SCFD2: variants seen among roughly 807,000 people sequenced by gnomAD.
SCFD2 encodes sec1 family domain-containing protein 2.
Under a neutral mutation model 58.9 loss-of-function variants are expected in SCFD2, and 54 were observed. The ratio of observed to expected loss-of-function variants is 0.92; its 90% CI spans 0.74 to 1.15. SCFD2 has a LOEUF of 1.15. Ranked by LOEUF, SCFD2 falls within the 50% of genes most tolerant of loss-of-function variation. The probability of loss-of-function intolerance (pLI) is 0.00; values close to 1 mark genes in which losing one functional copy is unlikely to be tolerated. For missense variants in SCFD2, 805 were observed against 836.6 expected (o/e 0.96, Z 0.47); for synonymous variants, 321 against 335.9 (o/e 0.96, Z 0.49).
At chr4:53,256,211 G>A (rs1312304256) in intron 4 of SCFD2, among the ~76,000 whole-genome samples, 1 of 151,028 alleles carries the variant, frequency 6.6e-6, no homozygotes, top group Non-Finnish European at 1.5e-5. Context: ...TCTCAGACAG[G>A]GCAGTTGCCA....
chr4:53,355,844 T>C (rs1734384167), intron 1 of SCFD2, among the ~76,000 whole-genome samples: 2 of 152,174 alleles, frequency 1.3e-5, no homozygotes, highest in African/African-American at 4.8e-5. Flanking sequence ...TCTTATATGT[T>C]CTATCATTAG....
At chr4:52,949,639 G>A (rs1325943640) in intron 5 of SCFD2, 1 of 152,204 alleles carries the variant, frequency 6.6e-6, no homozygotes, top group African/African-American at 2.4e-5. Context: ...CTGGTCCACT[G>A]GCTCCGCTCT....
At chr4:53,043,760 G>A (rs536765270) in intron 5 of SCFD2, among the ~76,000 whole-genome samples, 1 of 151,614 alleles carries the variant, frequency 6.6e-6, no homozygotes, top group Admixed American at 6.6e-5. Flanking sequence ...TGGGTACTTC[G>A]GTATTATTTA....
chr4:53,143,407 T>C (rs1726225470), intron 5 of SCFD2, among the ~76,000 whole-genome samples: 1 of 152,198 alleles, frequency 6.6e-6, no homozygotes, highest in African/African-American at 2.4e-5. Context: ...ACTTTCTAAG[T>C]TGATATTTAT....
intron 4 of SCFD2, among the ~76,000 whole-genome samples, chr4:53,213,126 TA>T (rs1335007530): frequency 6.6e-6 from 1 of 152,132 alleles, no homozygotes; most frequent in Non-Finnish European, 1.5e-5. Context: ...AATTATTTAG[TA>T]GGTGTAATGT....
intron 5 of SCFD2, among the ~76,000 whole-genome samples, chr4:52,922,646 T>C (rs78271910): frequency 0.013 from 2,051 of 152,362 alleles, 43 homozygotes; most frequent in African/African-American, 0.044. Flanking sequence ...GCCTTTTGGT[T>C]ATCATGAGTA....
chr4:53,072,377 G>A (rs752190822), intron 5 of SCFD2, among the ~76,000 whole-genome samples: 47 of 152,168 alleles, frequency 3.1e-4, no homozygotes, highest in Non-Finnish European at 6.3e-4. Context: ...GAAATATCGA[G>A]CTGCAGACAT....
In SCFD2 at chr4:53,134,454, G is replaced by A. The variant is rs185561370; in HGVS notation, c.1561+10879C>T. Among the ~76,000 whole-genome samples, 27 of 152,142 alleles carry A rather than the reference G, an allele frequency of 1.8e-4. No homozygotes were observed. The East Asian group carries it at 4.8e-3, about 27-fold the overall frequency. ...AATTTAAACAAGGTAATGAACAGGTGAGAAAAATAGAGAAGAAAAAATTTA... is the reference window on the plus strand; with the variant it reads ...AATTTAAACAAGGTAATGAACAGGTAAGAAAAATAGAGAAGAAAAAATTTA... On this transcript the variant is annotated intron_variant, in intron 5 of 8. Coordinates refer to ENST00000401642, the MANE Select transcript of SCFD2 (RefSeq NM_152540.4).
chr4:53,010,672 G>A (rs1252313179), intron 5 of SCFD2, among the ~76,000 whole-genome samples: 2 of 152,294 alleles, frequency 1.3e-5, no homozygotes, highest in East Asian at 3.9e-4. Context: ...ATGAATAAGT[G>A]AACAAAGAAA....
intron 5 of SCFD2, among the ~76,000 whole-genome samples, chr4:52,964,741 A>G (rs535238706): frequency 6.6e-6 from 1 of 150,778 alleles, no homozygotes; most frequent in Non-Finnish European, 1.5e-5. Context: ...CGATCCTTGA[A>G]TCTTTTGGTC....
intron 4 of SCFD2, among the ~76,000 whole-genome samples, chr4:53,188,744 C>G (rs1727809420): frequency 1.3e-5 from 2 of 152,046 alleles, no homozygotes; most frequent in Admixed American, 1.3e-4. Flanking sequence ...GTTGAAAATT[C>G]TTAATTCCAT....
chr4:52,885,896 T>A (rs964527540), intron 7 of SCFD2, 30 bp from the exon 8 acceptor site: 8 of 1,612,846 alleles, frequency 5.0e-6, no homozygotes, highest in Non-Finnish European at 6.8e-6. Context: ...CAATATCAGA[T>A]GGATGGCAGT....
intron 5 of SCFD2, among the ~76,000 whole-genome samples, chr4:52,936,947 A>G (rs926594252): frequency 2.0e-5 from 3 of 152,208 alleles, no homozygotes; most frequent in Non-Finnish European, 4.4e-5. Flanking sequence ...TTGAGTGCTG[A>G]CTACCGCTAG....
intron 2 of SCFD2, among the ~76,000 whole-genome samples, chr4:53,320,402 A>C (rs1732990662): frequency 6.6e-6 from 1 of 152,206 alleles, no homozygotes; most frequent in Non-Finnish European, 1.5e-5. Flanking sequence ...GGATCACCTG[A>C]AGTCAGGAGT....
chr4:53,147,627 G>A (rs1411984673), intron 4 of SCFD2, among the ~76,000 whole-genome samples: 3 of 152,162 alleles, frequency 2.0e-5, no homozygotes, highest in East Asian at 1.9e-4. Context: ...CCAGGGGGCC[G>A]AAAGTTTTGA....
chr4:53,070,372 A>G (rs1288427128), intron 5 of SCFD2, among the ~76,000 whole-genome samples: 1 of 152,106 alleles, frequency 6.6e-6, no homozygotes, highest in African/African-American at 2.4e-5. Flanking sequence ...ACTAAAAAAG[A>G]TGTTCACTAG....
At chr4:52,912,242 C>T (rs1719504109) in intron 6 of SCFD2, among the ~76,000 whole-genome samples, 1 of 151,852 alleles carries the variant, frequency 6.6e-6, no homozygotes, top group African/African-American at 2.4e-5. Flanking sequence ...TACATTTATT[C>T]CACTAAAACA....
chr4:53,007,337 A>AGAGAGG (rs1721995880), intron 5 of SCFD2, among the ~76,000 whole-genome samples: 2 of 122,132 alleles, frequency 1.6e-5, no homozygotes, highest in South Asian at 3.2e-4. Context: ...AGAGAGAGGG[A>AGAGAGG]GAGAGAGAGA....
chr4:52,909,033 A>G (rs1210481315), intron 6 of SCFD2, among the ~76,000 whole-genome samples: 1 of 152,174 alleles, frequency 6.6e-6, no homozygotes, highest in African/African-American at 2.4e-5. Flanking sequence ...AAATCAGACT[A>G]TTGACACTCC....
Sources: allele counts gnomAD v4.1 joint callset (sites outside exome capture counted in the v4.1 genomes callset), GRCh38; gene constraint gnomAD v4.1.1; transcripts MANE v1.5; gene names NCBI Gene and HGNC (gene_info 2026-07-23, HGNC 2026-07-21).